Variants in SMC1B observed in about 807,000 individuals in gnomAD.
SMC1B encodes structural maintenance of chromosomes 1B, also known as structural maintenance of chromosomes protein 1B.
A neutral mutation model predicts 157.9 loss-of-function variants in SMC1B; 60 were observed. The observed-to-expected ratio is 0.38, with a 90% CI of 0.31 to 0.47. The LOEUF (loss-of-function observed/expected upper bound fraction) is 0.47. Among genes scored for constraint, SMC1B ranks in the 20% least tolerant of loss-of-function variants. SMC1B has a pLI of 0.99. For missense variants in SMC1B, 1,165 were observed against 1,426.2 expected (o/e 0.82, Z 2.95); for synonymous variants, 445 against 483.0 (o/e 0.92, Z 1.03).
In SMC1B at chr22:45,393,673, C is replaced by T. The variant is rs559155069; in HGVS notation, c.1506G>A (p.Glu502=). ...ACAGTCTTTTAAGGTGTTCCAGAAC[C>T]TCTGCTCTCTTTTGCTGACGTTTTC... is the stretch of plus-strand genomic sequence containing the variant. The part of the protein sequence containing the change: ...HEGKRQQKRA[E]VLEHLKRLYP... The change falls in exon 9 of 25, where the codon GAG becomes GAA. Residue 502 remains glutamate (E), a synonymous_variant. Coordinates refer to ENST00000357450, the MANE Select transcript of SMC1B (RefSeq NM_148674.5). The T allele has an allele frequency of 6.2e-7, 1 of 1,614,064 alleles. No individual in the cohort carries two copies. Among genetic ancestry groups the T allele is most frequent in the African/African-American group, 1.3e-5 (1 of 75,020 alleles).
intron 12 of SMC1B, among the ~76,000 whole-genome samples, chr22:45,374,672 G>A (rs1391073633): frequency 1.3e-5 from 2 of 151,800 alleles, no homozygotes; most frequent in Non-Finnish European, 2.9e-5. Context: ...TGTGCTTTTC[G>A]TAAAGCCCTA....
At chr22:45,353,436 G>C (rs1022841962) in intron 21 of SMC1B, among the ~76,000 whole-genome samples, 1 of 152,030 alleles carries the variant, frequency 6.6e-6, no homozygotes, top group Non-Finnish European at 1.5e-5. Flanking sequence ...CATAAGTCCC[G>C]ACCTACATCT....
At position 45,413,544 on chromosome 22, in the gene SMC1B, A is replaced by C. The variant is rs753086546; in HGVS notation, c.24T>G (p.Leu8=). 6.2e-7 allele frequency: 1 copy of C among 1,611,228 alleles called. No homozygotes were observed. The highest frequency in any genetic ancestry group is 8.5e-7 in the Non-Finnish European group (1 of 1,178,758). Residue 8 remains leucine (L), a synonymous_variant, in exon 1 of 25, where the codon CTT becomes CTG. Coordinates refer to ENST00000357450, the MANE Select transcript of SMC1B (RefSeq NM_148674.5). ...CCCGCCACGACTTGAAATTTTCCAC[A>C]AGCAGCAGCTCCAGGTGGGCCATGG... MAHLELL[L]VENFKSWRGR...
At position 45,354,026 on chromosome 22, in the gene SMC1B, G is replaced by T; in HGVS notation, c.3225C>A (p.Ile1075=). ...GCTTCTTGTAGATTTGATCAATTGA[G>T]ATTGAGACATGCTCAAAACACTGGG... ...LFTQCFEHVS[I]SIDQIYKKLC... is the part of the protein sequence containing the mutation. The change falls in exon 21 of 25, where the codon ATC becomes ATA. Residue 1075 remains isoleucine (I), a synonymous_variant. Coordinates refer to ENST00000357450, the MANE Select transcript of SMC1B (RefSeq NM_148674.5). 6.3e-7 allele frequency: 1 copy of T among 1,599,304 alleles called. No individual in the cohort carries two copies. Among genetic ancestry groups the T allele is most frequent in the Non-Finnish European group, 8.5e-7 (1 of 1,174,170 alleles).
Position 45,402,520 on chromosome 22 carries a change from G to C in SMC1B, c.667C>G (p.Leu223Val). Residue 223 changes from leucine (L) to valine (V), a missense_variant, in exon 5 of 25, where the codon CTG (leucine) becomes GTG (valine). Leu to Val is a conservative substitution (Grantham distance 32, BLOSUM62 1). Coordinates refer to ENST00000357450, the MANE Select transcript of SMC1B (RefSeq NM_148674.5). ...LEELKMNKIQ[L>V]QLFQLYHNEK... is the part of the protein sequence containing the mutation. Reference sequence around the variant, plus strand: ...TTATGGTATAGTTGAAAAAGCTGCAGTTGTATCTTGTTCATTTTCAGTTCT... The same window carrying C: ...TTATGGTATAGTTGAAAAAGCTGCACTTGTATCTTGTTCATTTTCAGTTCT... The C allele has an allele frequency of 6.2e-7, 1 of 1,613,884 alleles. No individual in the cohort carries two copies. Among genetic ancestry groups the C allele is most frequent in the Non-Finnish European group, 8.5e-7 (1 of 1,179,928 alleles).
intron 6 of SMC1B, 123 bp downstream of exon 6, chr22:45,398,972 C>G: frequency 9.9e-7 from 1 of 1,013,046 alleles, no homozygotes; most frequent in Admixed American, 2.3e-5. Context: ...ATTTAAATCC[C>G]CACAATTTAC....
chr22:45,405,026 T>C (rs888986772), intron 4 of SMC1B, among the ~76,000 whole-genome samples: 2 of 152,126 alleles, frequency 1.3e-5, no homozygotes, highest in South Asian at 2.1e-4. Flanking sequence ...CTAATTTAGA[T>C]TGGAGGAATG....
intron 19 of SMC1B, among the ~76,000 whole-genome samples, chr22:45,355,610 C>A (rs1249661720): frequency 6.6e-6 from 1 of 152,042 alleles, no homozygotes; most frequent in South Asian, 2.1e-4. Context: ...GCTTTTACAG[C>A]GAAGTGAAAA....
intron 21 of SMC1B, among the ~76,000 whole-genome samples, chr22:45,353,097 C>T (rs1391762903): frequency 6.6e-6 from 1 of 151,662 alleles, no homozygotes; most frequent in Non-Finnish European, 1.5e-5. Flanking sequence ...ATGGTGAAAC[C>T]CTGTCTCTAC....
chr22:45,377,636 C>CA (rs146368901), intron 12 of SMC1B, among the ~76,000 whole-genome samples: 3,799 of 120,440 alleles, frequency 0.032, 99 homozygotes, highest in African/African-American at 0.082. Flanking sequence ...GACTCTGTCT[C>CA]AAAAAAAAAA....
rs188662357 is a variant in SMC1B, at chr22:45,352,422, T to G, written c.3425+29A>C. 605 of 1,598,104 alleles carry G rather than the reference T, an allele frequency of 3.8e-4. 1 individual carries two copies. The highest frequency in any genetic ancestry group is 2.3e-3 in the African/African-American group (168 of 74,500). Reference sequence around the variant, plus strand: ...GGTCCCCTTGGCTTCTGCCCTGATATGAAAACTGAATAGCTTTTGTGACCT... The same window carrying G: ...GGTCCCCTTGGCTTCTGCCCTGATAGGAAAACTGAATAGCTTTTGTGACCT... On this transcript the variant is annotated intron_variant, in intron 22 of 24. Coordinates refer to ENST00000357450, the MANE Select transcript of SMC1B (RefSeq NM_148674.5).
At chr22:45,391,924 T>G (rs2087062957) in intron 9 of SMC1B, among the ~76,000 whole-genome samples, 1 of 152,082 alleles carries the variant, frequency 6.6e-6, no homozygotes, top group Non-Finnish European at 1.5e-5. Context: ...TTAGAGAGCA[T>G]ATGAGCTTCA....
intron 10 of SMC1B, among the ~76,000 whole-genome samples, chr22:45,388,703 G>T (rs893842796): frequency 3.9e-5 from 6 of 152,002 alleles, no homozygotes; most frequent in African/African-American, 1.4e-4. Context: ...TAGGACAGGC[G>T]TGATGGCTCA....
chr22:45,388,039 A>AAC (rs1569190283), intron 10 of SMC1B, among the ~76,000 whole-genome samples: 3 of 150,056 alleles, frequency 2.0e-5, no homozygotes, highest in Non-Finnish European at 4.4e-5. Context: ...TCAAAAAAAA[A>AAC]AACAGCAAAA....
At chr22:45,408,377 G>A (rs943740286) in intron 2 of SMC1B, among the ~76,000 whole-genome samples, 2 of 152,000 alleles carry the variant, frequency 1.3e-5, no homozygotes, top group Admixed American at 6.6e-5. Context: ...CGCCCGCCTC[G>A]GCCTCCCAAA....
chr22:45,373,528 C>T (rs1365107519), intron 12 of SMC1B, among the ~76,000 whole-genome samples: 1 of 152,180 alleles, frequency 6.6e-6, no homozygotes, highest in Admixed American at 6.5e-5. Context: ...AGTAAGATTA[C>T]CATAACTTCT....
At chr22:45,369,336 TC>T (rs2086807148) in intron 15 of SMC1B, among the ~76,000 whole-genome samples, 1 of 151,636 alleles carries the variant, frequency 6.6e-6, no homozygotes, top group Non-Finnish European at 1.5e-5. Flanking sequence ...GACCTCATGA[TC>T]CGCCTGCCTC....
Position 45,402,218 on chromosome 22 carries a change from G to A in SMC1B, c.854+115C>T, listed in dbSNP as rs2087204039. On this transcript the variant is annotated intron_variant, in intron 5 of 24. Transcript: ENST00000357450. The stretch of plus-strand genomic sequence containing the variant: ...TTATAATTTTTCTGTATATCTAAAA[G>A]TATTCCAAAGTAAAAAGCTTATTTT... 7.8e-6 allele frequency: 6 copies of A among 771,780 alleles called. No individual in the cohort carries two copies. In the South Asian group the frequency reaches 1.1e-4, roughly 14 times the overall value. 47.8% of individuals were successfully genotyped at this position (771,780 alleles called of 1,614,324 possible). A position where few individuals can be genotyped will look rare whatever the true frequency, so the allele number is the denominator to read the frequency against.
At chr22:45,378,013 A>G (rs910023270) in intron 12 of SMC1B, among the ~76,000 whole-genome samples, 3 of 151,672 alleles carry the variant, frequency 2.0e-5, no homozygotes, top group Non-Finnish European at 4.4e-5. Flanking sequence ...TAATTTTTTA[A>G]TTTTTTATTT....
Sources: gnomAD v4.1 joint callset for allele counts (sites outside exome capture counted in the v4.1 genomes callset) on GRCh38, gnomAD v4.1.1 for gene constraint, MANE v1.5 for transcripts, NCBI Gene and HGNC (gene_info 2026-07-23, HGNC 2026-07-21) for gene names.